Variants in NHSL1 observed in about 807,000 individuals in gnomAD.
The protein encoded by NHSL1 is NHS like 1, also known as NHS-like protein 1.
A neutral mutation model predicts 95.0 loss-of-function variants in NHSL1; 48 were observed. That is an observed-to-expected ratio of 0.51 (90% CI 0.40 to 0.64). The LOEUF is 0.64. NHSL1 is among the 30% of genes least tolerant of loss of function. NHSL1 has a pLI of 0.00. For missense variants in NHSL1, 1,971 were observed against 2,077.7 expected, an observed-to-expected ratio of 0.95 and a Z score of 1.00; for synonymous variants, 783 against 833.9, an observed-to-expected ratio of 0.94 and a Z score of 1.05.
chr6:138,472,953 C>A (rs903863444), intron 3 of NHSL1, among the ~76,000 whole-genome samples: 1 of 152,102 alleles, frequency 6.6e-6, no homozygotes, highest in Non-Finnish European at 1.5e-5. Flanking sequence ...AAGAAATAAG[C>A]CCTTTATTTT....
chr6:138,501,720 T>C (rs189398907), upstream of NHSL1, among the ~76,000 whole-genome samples: 1 of 152,216 alleles, frequency 6.6e-6, no homozygotes, highest in African/African-American at 2.4e-5. Context: ...TGATATAAAG[T>C]GGCCGCAGTT....
Position 138,496,268 on chromosome 6 carries a change from A to G in NHSL1, c.162T>C (p.Val54=). 1 of 1,551,002 alleles carries G rather than the reference A, an allele frequency of 6.4e-7. No homozygotes were observed. The highest frequency in any genetic ancestry group is 1.2e-5 in the South Asian group (1 of 84,024). The change falls in exon 2 of 8, where the codon GTT becomes GTC. Residue 54 remains valine (V), a synonymous_variant. Transcript: ENST00000343505. ...GCTTGGCTTGGCGGTGCAGGTCCTC[A>G]ACACAGGGGGGTCTTGTGGTGGGAA... ...VFLPTTRPPC[V]EDLHRQAKLN...
chr6:138,667,526 G>A (rs948119593), intron 1 of NHSL1, among the ~76,000 whole-genome samples: 9 of 152,178 alleles, frequency 5.9e-5, no homozygotes, highest in Non-Finnish European at 1.2e-4. Flanking sequence ...CTCTAGAAAA[G>A]ACTGACTGGA....
Position 138,600,073 on chromosome 6 carries a change from GGCAGAGGTT to G in NHSL1, c.96+92394_96+92402del, listed in dbSNP as rs374079282. ...GCAGAAGAATTGCTTGAATCCAGGA[GGCAGAGGTT>G]GCAGTGAACCAAGATTGCACCACTG... On this transcript the variant is annotated intron_variant, in intron 1 of 3. Coordinates refer to the NHSL1 transcript ENST00000491526. Among the ~76,000 whole-genome samples the G allele has an allele frequency of 1.9e-3, 292 of 152,148 alleles. 3 individuals carry two copies. Among genetic ancestry groups the G allele is most frequent in the East Asian group, 0.014 (70 of 5,180 alleles).
intron 1 of NHSL1, among the ~76,000 whole-genome samples, chr6:138,687,707 T>C (rs1230493638): frequency 2.0e-5 from 3 of 152,184 alleles, no homozygotes; most frequent in Non-Finnish European, 2.9e-5. Flanking sequence ...ATTATGAACT[T>C]CGAAAAGTTC....
At chr6:138,514,822 C>A (rs1781391848) in intron 1 of NHSL1, among the ~76,000 whole-genome samples, 1 of 152,130 alleles carries the variant, frequency 6.6e-6, no homozygotes, top group South Asian at 2.1e-4. Flanking sequence ...ACTCGGGAGG[C>A]TGAAGTGGGA....
intron 1 of NHSL1, among the ~76,000 whole-genome samples, chr6:138,662,960 G>T (rs1261199977): frequency 6.7e-6 from 1 of 149,400 alleles, no homozygotes; most frequent in East Asian, 2.0e-4. Flanking sequence ...AAAAAAAATG[G>T]TTACCTGTGA....
At chr6:138,669,439 A>G (rs1451626586) in intron 1 of NHSL1, among the ~76,000 whole-genome samples, 1 of 152,156 alleles carries the variant, frequency 6.6e-6, no homozygotes, top group Non-Finnish European at 1.5e-5. Flanking sequence ...CCCAAAGTGC[A>G]GGTATTGGCG....
rs58460990 is a variant in NHSL1 at position 138,484,679 on chromosome 6, C to A, written c.212-11246G>T. 1.1e-3 allele frequency among the ~76,000 whole-genome samples: 171 copies of A among 152,164 alleles called. 1 individual carries two copies. Among genetic ancestry groups the A allele is most frequent in the African/African-American group, 3.7e-3 (152 of 41,492 alleles). ...TTTATGTAGAAGGGTTAAAAATAAA[C>A]GGCCATTTTGATTAATATTCTTGCT... On this transcript the variant is annotated intron_variant, in intron 2 of 7. Coordinates refer to ENST00000343505, the MANE Select transcript of NHSL1 (RefSeq NM_001144060.2).
intron 1 of NHSL1, among the ~76,000 whole-genome samples, chr6:138,632,509 G>A (rs577888247): frequency 2.0e-5 from 3 of 152,308 alleles, no homozygotes; most frequent in African/African-American, 7.2e-5. Context: ...CCAACCAGGT[G>A]GCTCAGAACA....
At chr6:138,463,867 C>T (rs1423742440) in intron 3 of NHSL1, among the ~76,000 whole-genome samples, 2 of 152,162 alleles carry the variant, frequency 1.3e-5, no homozygotes, top group African/African-American at 4.8e-5. Context: ...AGTCCTGTTG[C>T]TCTAGAACTC....
At chr6:138,549,498 G>C (rs1782923760), upstream of NHSL1, among the ~76,000 whole-genome samples, 1 of 152,208 alleles carries the variant, frequency 6.6e-6, no homozygotes, top group Non-Finnish European at 1.5e-5. Context: ...ACCAGCAGAA[G>C]CTGGAAGAGG....
chr6:138,513,603 G>A (rs1781328312), intron 1 of NHSL1, among the ~76,000 whole-genome samples: 1 of 152,114 alleles, frequency 6.6e-6, no homozygotes, highest in African/African-American at 2.4e-5. Flanking sequence ...TACAGGGGCT[G>A]GTGGGTAAAG....
chr6:138,475,261 G>T (rs900086291), intron 2 of NHSL1, among the ~76,000 whole-genome samples: 1 of 151,034 alleles, frequency 6.6e-6, no homozygotes, highest in Non-Finnish European at 1.5e-5. Flanking sequence ...ACTCTGTCAC[G>T]CAGGCTGGAG....
At chr6:138,674,368 C>G (rs1212401662) in intron 1 of NHSL1, among the ~76,000 whole-genome samples, 2 of 151,810 alleles carry the variant, frequency 1.3e-5, no homozygotes, top group African/African-American at 2.4e-5. Flanking sequence ...AGGTTTGTTA[C>G]GTAGGTAAGC....
chr6:138,424,308 C>A lies in NHSL1; in HGVS notation c.4594G>T (p.Ala1532Ser). Residue 1532 changes from alanine to serine, a missense_variant, in exon 8 of 8, where the codon GCC becomes TCC. By Grantham distance (99) the Ala-to-Ser change is moderately conservative. Coordinates refer to ENST00000343505, the MANE Select transcript of NHSL1 (RefSeq NM_001144060.2). The surrounding 1 kb of genome is among the most constrained non-coding windows in gnomAD (Gnocchi z 5.9). ...GCTATGCTGTCCACAGGCTCCACGG[C>A]TTCCCCTTCTCCCTCCGAGATGACG... Reference protein sequence around the residue: ...MTVISEGEGEAVEPVDSIARG... With the variant: ...MTVISEGEGESVEPVDSIARG... 1.3e-6 allele frequency: 2 copies of A among 1,520,502 alleles called. No homozygotes were observed. The highest frequency in any genetic ancestry group is 8.8e-7 in the Non-Finnish European group (1 of 1,130,112). 94.2% of individuals were successfully genotyped at this position (1,520,502 alleles called of 1,614,324 possible). A position where few individuals can be genotyped will look rare whatever the true frequency, so the allele number is the denominator to read the frequency against.
chr6:138,674,526 A>G (rs1007027106), intron 1 of NHSL1, among the ~76,000 whole-genome samples: 2 of 152,006 alleles, frequency 1.3e-5, no homozygotes, highest in African/African-American at 4.8e-5. Flanking sequence ...GTGTCCATGT[A>G]TTCTCATTGT....
At chr6:138,648,786 T>A (rs1313601100) in intron 1 of NHSL1, among the ~76,000 whole-genome samples, 2 of 152,152 alleles carry the variant, frequency 1.3e-5, no homozygotes, top group African/African-American at 4.8e-5. Flanking sequence ...TCAGAACTTA[T>A]ACTGTATTCC....
intron 3 of NHSL1, among the ~76,000 whole-genome samples, chr6:138,457,050 T>C (rs1023521749): frequency 3.9e-5 from 6 of 152,034 alleles, no homozygotes; most frequent in Admixed American, 3.9e-4. Context: ...CTGGCTAATT[T>C]TTATATTTTC....
Sources: gnomAD v4.1 joint callset for allele counts (sites outside exome capture counted in the v4.1 genomes callset) on GRCh38, gnomAD v4.1.1 for gene constraint, Gnocchi (gnomAD v3.1) non-coding constraint, MANE v1.5 for transcripts, NCBI Gene and HGNC (gene_info 2026-07-23, HGNC 2026-07-21) for gene names.